SLC17A5: variants seen among roughly 807,000 people sequenced by gnomAD.
SLC17A5 encodes solute carrier family 17 member 5.
In SLC17A5, 47 loss-of-function variants were observed where a neutral mutation model predicts 59.4. The ratio of observed to expected loss-of-function variants is 0.79; its 90% CI spans 0.63 to 1.01. SLC17A5 has a LOEUF of 1.01. Among genes scored for constraint, SLC17A5 ranks in the 50% least tolerant of loss-of-function variants. SLC17A5 has a pLI of 0.00. For synonymous variants in SLC17A5, 202 were observed against 210.7 expected, an observed-to-expected ratio of 0.96 and a Z score of 0.36; for missense variants, 522 against 595.5, an observed-to-expected ratio of 0.88 and a Z score of 1.28.
At position 73,653,807 on chromosome 6, in the gene SLC17A5, G is replaced by A. The variant is rs1251219381; in HGVS notation, c.80C>T (p.Pro27Leu). The A allele has an allele frequency of 6.3e-7, 1 of 1,594,974 alleles. No individual in the cohort carries two copies. Among genetic ancestry groups the A allele is most frequent in the Non-Finnish European group, 8.5e-7 (1 of 1,172,196 alleles). ...CCGCCGCTTACCGGCTTCGGCCCGT[G>A]GGGCGCCCGGTAGAAGAGGCGTGCG... Reference protein sequence around the residue: ...TDRTPLLPGAPRAEAAPVCCS... With the variant: ...TDRTPLLPGALRAEAAPVCCS... Residue 27 changes from proline (P) to leucine (L), a missense_variant, in exon 1 of 11, where the codon CCA becomes CTA. Transcript: ENST00000355773.
intron 4 of SLC17A5, among the ~76,000 whole-genome samples, chr6:73,637,843 T>C (rs548781424): frequency 3.2e-4 from 48 of 152,174 alleles, no homozygotes; most frequent in Non-Finnish European, 5.0e-4. Context: ...AAAGAAAGGC[T>C]AGAATTTCTT....
intron 10 of SLC17A5, among the ~76,000 whole-genome samples, chr6:73,597,433 C>G (rs1242195367): frequency 1.3e-5 from 2 of 152,136 alleles, no homozygotes; most frequent in East Asian, 1.9e-4. Context: ...TGCCACTGCA[C>G]TCCAGCCTGG....
intron 10 of SLC17A5, among the ~76,000 whole-genome samples, chr6:73,597,313 A>G (rs1766857880): frequency 6.8e-6 from 1 of 147,922 alleles, no homozygotes. Flanking sequence ...TAAAAAGACA[A>G]AAAATTAGCC....
intron 6 of SLC17A5, among the ~76,000 whole-genome samples, chr6:73,631,001 G>A (rs1017148419): frequency 4.0e-5 from 6 of 150,274 alleles, no homozygotes; most frequent in East Asian, 1.9e-4. Flanking sequence ...AGCTGAGATC[G>A]TGCCATTGTA....
chr6:73,646,528 T>G (rs943770674), intron 1 of SLC17A5, among the ~76,000 whole-genome samples: 2 of 152,236 alleles, frequency 1.3e-5, no homozygotes, highest in African/African-American at 4.8e-5. Context: ...CTGTAAGAAC[T>G]GAATTTCTAA....
chr6:73,632,121 T>C (rs918608828), intron 6 of SLC17A5, among the ~76,000 whole-genome samples: 5 of 150,204 alleles, frequency 3.3e-5, no homozygotes, highest in Admixed American at 2.0e-4. Flanking sequence ...TTGATCATCA[T>C]AGCGAGACTC....
At chr6:73,617,326 A>C (rs1301736956) in intron 7 of SLC17A5, among the ~76,000 whole-genome samples, 1 of 152,062 alleles carries the variant, frequency 6.6e-6, no homozygotes, top group African/African-American at 2.4e-5. Flanking sequence ...AAGAAAAAAA[A>C]ACACAATTCC....
intron 9 of SLC17A5, among the ~76,000 whole-genome samples, chr6:73,610,166 T>C (rs987325013): frequency 6.6e-6 from 1 of 152,092 alleles, no homozygotes; most frequent in Non-Finnish European, 1.5e-5. Flanking sequence ...CCTAAGTAGC[T>C]GGGATTACAG....
chr6:73,604,032 T>C (rs1441575004), intron 9 of SLC17A5, among the ~76,000 whole-genome samples: 1 of 152,210 alleles, frequency 6.6e-6, no homozygotes, highest in Non-Finnish European at 1.5e-5. Flanking sequence ...GTTCAAAACT[T>C]GTGCATACAC....
At chr6:73,632,176 G>A (rs1458773925) in intron 6 of SLC17A5, among the ~76,000 whole-genome samples, 1 of 148,946 alleles carries the variant, frequency 6.7e-6, no homozygotes, top group Non-Finnish European at 1.5e-5. Context: ...GTGTGCACCT[G>A]TAGTCCCAGC....
At position 73,632,202 on chromosome 6, in the gene SLC17A5, G is replaced by T. The variant is rs1768761083; in HGVS notation, c.819+3180C>A. Among the ~76,000 whole-genome samples the T allele has an allele frequency of 1.3e-5, 2 of 149,066 alleles. 1 individual carries two copies. Among genetic ancestry groups the T allele is most frequent in the Admixed American group, 1.3e-4 (2 of 14,910 alleles). ...TAGTCCCAGCTACTCGAGAGGCTGA[G>T]GTGGGAAGACTGCTTGAACCTGTAG... On this transcript the variant is annotated intron_variant, in intron 6 of 10. Coordinates refer to ENST00000355773, the MANE Select transcript of SLC17A5 (RefSeq NM_012434.5).
intron 9 of SLC17A5, among the ~76,000 whole-genome samples, chr6:73,608,970 C>T (rs1466248575): frequency 6.6e-6 from 1 of 152,126 alleles, no homozygotes; most frequent in Admixed American, 6.6e-5. Context: ...CAGTGAACTA[C>T]AGTGGCGTCA....
intron 1 of SLC17A5, among the ~76,000 whole-genome samples, chr6:73,649,917 G>T (rs1327310950): frequency 6.6e-6 from 1 of 152,188 alleles, no homozygotes; most frequent in Non-Finnish European, 1.5e-5. Context: ...TACCCATACA[G>T]AATTGGTGGG....
intron 10 of SLC17A5, 66 bp downstream of exon 10, chr6:73,600,285 A>T (rs1416011269): frequency 8.4e-7 from 1 of 1,185,674 alleles, no homozygotes; most frequent in East Asian, 2.4e-5. Context: ...ATTAAAATAC[A>T]CTGAACTTTG....
At chr6:73,603,608 C>T (rs142800407) in intron 9 of SLC17A5, among the ~76,000 whole-genome samples, 15 of 150,836 alleles carry the variant, frequency 9.9e-5, no homozygotes, top group Admixed American at 2.0e-4. Flanking sequence ...TTAGTAGAAA[C>T]GGGGTTTCAC....
intron 1 of SLC17A5, among the ~76,000 whole-genome samples, chr6:73,648,012 T>G (rs1405306341): frequency 6.6e-6 from 1 of 151,776 alleles, no homozygotes; most frequent in Non-Finnish European, 1.5e-5. Context: ...GAGGTTGCAG[T>G]GAGCCGAGAT....
In SLC17A5 at chr6:73,618,308, T is replaced by TA. The variant is rs199704254; in HGVS notation, c.979-2862_979-2861insT. 156 of 193,112 alleles carry TA rather than the reference T, an allele frequency of 8.1e-4. 4 individuals carry two copies. In the East Asian group the frequency reaches 0.016, roughly 20 times the overall value. The allele number at this position is 193,112 out of a possible 1,614,324, so 12.0% of individuals were successfully genotyped here. On this transcript the variant is annotated intron_variant, in intron 7 of 10. Transcript: ENST00000355773. ...TAAAATAAAATAAAATAAAATAAAA[T>TA]GAGTTTCTGGTTGTGACGACCTACC... is the stretch of plus-strand genomic sequence containing the variant.
rs891283138 is a variant in SLC17A5, at chr6:73,631,673, A to G, written c.819+3709T>C. On this transcript the variant is annotated intron_variant, in intron 6 of 10. Transcript: ENST00000355773. Reference sequence around the variant, plus strand: ...CAAGGAAGCTTTTCCTGTCTGCCCCAGGCTGGCTGAGGACTGCCACCTTCT... The same window carrying G: ...CAAGGAAGCTTTTCCTGTCTGCCCCGGGCTGGCTGAGGACTGCCACCTTCT... 7.2e-5 allele frequency among the ~76,000 whole-genome samples: 11 copies of G among 151,874 alleles called. 1 individual carries two copies. The highest frequency in any genetic ancestry group is 1.3e-4 in the Non-Finnish European group (9 of 68,028).
chr6:73,639,811 G>A (rs376562821), intron 3 of SLC17A5, among the ~76,000 whole-genome samples: 2 of 152,044 alleles, frequency 1.3e-5, no homozygotes, highest in South Asian at 4.1e-4. Flanking sequence ...TTTGGGAGGC[G>A]GAGGCAGGTG....
Sources: gnomAD v4.1 joint callset for allele counts (sites outside exome capture counted in the v4.1 genomes callset) on GRCh38, gnomAD v4.1.1 for gene constraint, MANE v1.5 for transcripts, NCBI Gene and HGNC (gene_info 2026-07-23, HGNC 2026-07-21) for gene names.